Variants in MICU3 observed in about 807,000 individuals in gnomAD.
MICU3 encodes the protein mitochondrial calcium uptake 3.
In MICU3, 62 loss-of-function variants were observed where a neutral mutation model predicts 66.5. The observed-to-expected ratio is 0.93, with a 90% CI of 0.76 to 1.15. MICU3 has a LOEUF of 1.15. Ranked by LOEUF, MICU3 falls within the 50% of genes most tolerant of loss-of-function variation. The pLI, the probability that MICU3 is intolerant of heterozygous loss-of-function variation, is 0.00. For synonymous variants in MICU3, 308 were observed against 240.7 expected (o/e 1.28, Z -2.59); for missense variants, 779 against 664.4 (o/e 1.17, Z -1.90).
chr8:17,050,090 CAT>C (rs1815803200), intron 1 of MICU3, among the ~76,000 whole-genome samples: 1 of 152,064 alleles, frequency 6.6e-6, no homozygotes, highest in South Asian at 2.1e-4. Context: ...CTATTGGAAA[CAT>C]GCTGCAGTGA....
intron 1 of MICU3, among the ~76,000 whole-genome samples, chr8:17,061,497 T>C (rs532300270): frequency 3.9e-4 from 59 of 152,220 alleles, no homozygotes; most frequent in Non-Finnish European, 6.6e-4. Context: ...TCAGGAGCAG[T>C]AGTAGCACCA....
chr8:17,027,378 G>A lies in MICU3; in HGVS notation c.99G>A (p.Val33=), dbSNP rs768201460. The A allele has an allele frequency of 4.7e-6, 7 of 1,488,244 alleles. No homozygotes were observed. Among genetic ancestry groups the A allele is most frequent in the East Asian group, 5.4e-5 (2 of 37,000 alleles). The allele number at this position is 1,488,244 out of a possible 1,614,324, so 92.2% of individuals were successfully genotyped here. ...PLLGPWGRPA[V]TTLGLPGRPF... ...TTGGGCCGTGGGGGCGGCCTGCGGT[G>A]ACCACCCTGGGCCTTCCTGGCCGGC... Residue 33 remains valine, a synonymous_variant, in exon 1 of 15, where the codon GTG becomes GTA. Transcript: ENST00000318063.
chr8:17,029,726 G>T (rs745609297), intron 1 of MICU3, among the ~76,000 whole-genome samples: 1 of 152,112 alleles, frequency 6.6e-6, no homozygotes, highest in Admixed American at 6.5e-5. Flanking sequence ...GCTTCGGGAT[G>T]TGTATTTTTT....
chr8:17,095,453 A>C (rs746978802), intron 8 of MICU3, among the ~76,000 whole-genome samples: 28 of 151,942 alleles, frequency 1.8e-4, no homozygotes, highest in South Asian at 1.5e-3. Context: ...AGTGACACGA[A>C]TTATAAAGAT....
At chr8:17,082,185 A>ATGG (rs1821286082) in intron 5 of MICU3, among the ~76,000 whole-genome samples, 2 of 152,238 alleles carry the variant, frequency 1.3e-5, no homozygotes, top group Admixed American at 1.3e-4. Context: ...TTCTTAGGAA[A>ATGG]TATATGAAGG....
At chr8:17,041,349 A>C (rs1814052716) in intron 1 of MICU3, among the ~76,000 whole-genome samples, 1 of 152,214 alleles carries the variant, frequency 6.6e-6, no homozygotes. Context: ...GCAGTCAGTT[A>C]TACTGAAAGC....
chr8:17,040,133 C>T (rs905319482), intron 1 of MICU3, among the ~76,000 whole-genome samples: 1 of 151,966 alleles, frequency 6.6e-6, no homozygotes, highest in Non-Finnish European at 1.5e-5. Flanking sequence ...GTCTCGAACT[C>T]CCGATCTCAG....
intron 1 of MICU3, among the ~76,000 whole-genome samples, chr8:17,051,699 G>C (rs1216744369): frequency 6.6e-6 from 1 of 152,174 alleles, no homozygotes; most frequent in Admixed American, 6.5e-5. Flanking sequence ...AAACTGAGAA[G>C]TGACCTTTGG....
At chr8:17,137,521 TAAAA>T in the MICU3 span, among the ~76,000 whole-genome samples, 3 of 134,602 alleles carry the variant, frequency 2.2e-5, no homozygotes, top group African/African-American at 8.0e-5. Flanking sequence ...TGCTTTTTTT[TAAAA>T]AAAAAAAAAA....
At chr8:17,066,302 A>G (rs995928846) in intron 2 of MICU3, among the ~76,000 whole-genome samples, 2 of 151,690 alleles carry the variant, frequency 1.3e-5, no homozygotes, top group Non-Finnish European at 2.9e-5. Context: ...AGGGGGATAC[A>G]AAGTCTGTGC....
intron 9 of MICU3, among the ~76,000 whole-genome samples, chr8:17,099,583 A>C (rs1465718498): frequency 6.6e-6 from 1 of 151,820 alleles, no homozygotes; most frequent in Non-Finnish European, 1.5e-5. Context: ...TGTGATATAT[A>C]AATGTGATGT....
chr8:17,113,203 G>A (rs1005994047), intron 11 of MICU3, among the ~76,000 whole-genome samples: 1 of 152,148 alleles, frequency 6.6e-6, no homozygotes, highest in African/African-American at 2.4e-5. Context: ...ACACGGCCTT[G>A]TTAGTGTCCC....
chr8:17,032,635 A>G (rs1812285225), intron 1 of MICU3, among the ~76,000 whole-genome samples: 1 of 152,198 alleles, frequency 6.6e-6, no homozygotes, highest in African/African-American at 2.4e-5. Flanking sequence ...TCAAGGCAGC[A>G]TATCTTGAGA....
At chr8:17,056,158 T>C (rs998801156) in intron 1 of MICU3, among the ~76,000 whole-genome samples, 2 of 152,196 alleles carry the variant, frequency 1.3e-5, no homozygotes, top group Non-Finnish European at 1.5e-5. Context: ...AGAAGGTCAC[T>C]TAAAGGATCC....
intron 11 of MICU3, among the ~76,000 whole-genome samples, chr8:17,109,627 T>G (rs1456899798): frequency 6.6e-6 from 1 of 152,176 alleles, no homozygotes; most frequent in Non-Finnish European, 1.5e-5. Context: ...TTCACAGGAC[T>G]AGAAATTGGT....
intron 13 of MICU3, 48 bp downstream of exon 13, chr8:17,116,648 G>C: frequency 7.6e-7 from 1 of 1,313,500 alleles, no homozygotes; most frequent in Non-Finnish European, 1.0e-6. Flanking sequence ...TAAAGTCTGA[G>C]GGAAATCAAT....
intron 1 of MICU3, among the ~76,000 whole-genome samples, chr8:17,060,704 C>A (rs1014544286): frequency 6.6e-6 from 1 of 152,054 alleles, no homozygotes; most frequent in Non-Finnish European, 1.5e-5. Flanking sequence ...TGAGCAGAGA[C>A]AATGGAGGAA....
chr8:17,080,536 C>T (rs1226515876), intron 4 of MICU3, among the ~76,000 whole-genome samples: 1 of 152,072 alleles, frequency 6.6e-6, no homozygotes, highest in Non-Finnish European at 1.5e-5. Flanking sequence ...TTTCTCGCCC[C>T]TTCTTTTATG....
At chr8:17,090,484 T>C in intron 7 of MICU3, 62 bp from the exon 8 acceptor site, 3 of 1,435,842 alleles carry the variant, frequency 2.1e-6, no homozygotes, top group Non-Finnish European at 2.9e-6. Context: ...TTTTTTCTTT[T>C]GCTGTACTTG....
Sources: allele counts gnomAD v4.1 joint callset (sites outside exome capture counted in the v4.1 genomes callset), GRCh38; gene constraint gnomAD v4.1.1; transcripts MANE v1.5; gene names NCBI Gene and HGNC (gene_info 2026-07-23, HGNC 2026-07-21).